Variants in ZBTB43 observed in about 807,000 individuals in gnomAD.
The protein encoded by ZBTB43 is zinc finger and BTB domain-containing protein 43.
In ZBTB43, 6 loss-of-function variants were observed where a neutral mutation model predicts 31.1. The ratio of observed to expected loss-of-function variants is 0.19; its 90% confidence interval spans 0.11 to 0.38. The LOEUF is 0.38. Ranked by LOEUF, ZBTB43 falls within the 10% of genes least tolerant of loss-of-function variation. The pLI is 1.00. For synonymous variants in ZBTB43, 212 were observed against 221.7 expected (o/e 0.96, Z 0.39); for missense variants, 379 against 602.1 (o/e 0.63, Z 3.88).
At position 126,831,175 on chromosome 9, in the gene ZBTB43, C is replaced by T. The variant is rs183756051; in HGVS notation, c.-23-1312C>T. On this transcript the variant is annotated intron_variant, in intron 2 of 2. Transcript: ENST00000373464. ...CCTCACTGCTCAAGCCCCCAGGCCC[C>T]TCACTCCCTGACTGTACTCTAGTCT... Among the ~76,000 whole-genome samples the T allele has an allele frequency of 3.5e-3, 527 of 152,278 alleles. 4 individuals carry two copies. Among genetic ancestry groups the T allele is most frequent in the African/African-American group, 0.012 (499 of 41,544 alleles).
rs1486102478 is a variant in ZBTB43, at chr9:126,837,235, T to C, written c.*3322T>C. ...TGCGGTAACTTACCCTGCAGGGCTG[T>C]AGGTTGCCTGCAGGCGCTCCAGGCC... is the stretch of plus-strand genomic sequence containing the variant. On this transcript the variant is annotated 3_prime_UTR_variant, in exon 3 of 3. Transcript: ENST00000373464. The C allele has an allele frequency of 1.2e-5, 2 of 167,138 alleles. No individual in the cohort carries two copies. Among genetic ancestry groups the C allele is most frequent in the Non-Finnish European group, 2.9e-5 (2 of 68,138 alleles). The allele number at this position is 167,138 out of a possible 1,614,324, so 10.4% of individuals were successfully genotyped here.
At chr9:126,809,366 G>C (rs904752643) in intron 2 of ZBTB43, among the ~76,000 whole-genome samples, 1 of 152,174 alleles carries the variant, frequency 6.6e-6, no homozygotes, top group Non-Finnish European at 1.5e-5. Flanking sequence ...TAGGCATAGG[G>C]TATTGGTGTT....
upstream of ZBTB43, among the ~76,000 whole-genome samples, chr9:126,804,170 G>C (rs1395942312): frequency 6.6e-6 from 1 of 152,168 alleles, no homozygotes; most frequent in Non-Finnish European, 1.5e-5. Context: ...ACTAACATGG[G>C]GGGGCAGTGG....
chr9:126,816,230 CT>C (rs1240180382), intron 2 of ZBTB43, among the ~76,000 whole-genome samples: 1 of 152,108 alleles, frequency 6.6e-6, no homozygotes, highest in Non-Finnish European at 1.5e-5. Flanking sequence ...GCTGTTTTCA[CT>C]TTCTTGTATT....
At chr9:126,818,811 G>T (rs951945480) in intron 2 of ZBTB43, among the ~76,000 whole-genome samples, 3 of 152,126 alleles carry the variant, frequency 2.0e-5, no homozygotes, top group African/African-American at 7.2e-5. Context: ...AGGGGTATTG[G>T]TCTATAGTTT....
intron 2 of ZBTB43, among the ~76,000 whole-genome samples, chr9:126,815,602 A>G (rs1304260020): frequency 6.9e-6 from 1 of 144,116 alleles, no homozygotes; most frequent in Non-Finnish European, 1.5e-5. Flanking sequence ...TCTCATCCCA[A>G]TGTATGTTTG....
At chr9:126,807,456 G>C (rs2032151794) in intron 1 of ZBTB43, among the ~76,000 whole-genome samples, 1 of 152,104 alleles carries the variant, frequency 6.6e-6, no homozygotes, top group Admixed American at 6.5e-5. Context: ...GTGTCATCAA[G>C]AACATTGATG....
intron 2 of ZBTB43, among the ~76,000 whole-genome samples, chr9:126,814,915 A>G (rs1312219815): frequency 8.2e-6 from 1 of 122,098 alleles, no homozygotes; most frequent in South Asian, 2.5e-4. Flanking sequence ...TCAGTATTTT[A>G]AAATGGTCTC....
intron 2 of ZBTB43, among the ~76,000 whole-genome samples, chr9:126,826,454 CTTTTT>C (rs35094731): frequency 3.7e-5 from 2 of 53,576 alleles, no homozygotes; most frequent in Non-Finnish European, 7.5e-5. Flanking sequence ...GCCCCCCCGC[CTTTTT>C]TTTTTTTTTT....
intron 2 of ZBTB43, among the ~76,000 whole-genome samples, chr9:126,829,426 C>T (rs538579120): frequency 3.3e-5 from 5 of 152,284 alleles, no homozygotes; most frequent in East Asian, 1.9e-4. Context: ...GCTTACATTA[C>T]GATACATCCA....
intron 2 of ZBTB43, among the ~76,000 whole-genome samples, chr9:126,816,821 G>A (rs1257145611): frequency 6.6e-6 from 1 of 152,184 alleles, no homozygotes; most frequent in Non-Finnish European, 1.5e-5. Flanking sequence ...TGGCCCAACT[G>A]GCAAATGATG....
In ZBTB43 at chr9:126,835,309, G is replaced by A. The variant is rs2032856306; in HGVS notation, c.*1396G>A. 1 of 166,986 alleles carries A rather than the reference G, an allele frequency of 6.0e-6. No homozygotes were observed. Among genetic ancestry groups the A allele is most frequent in the South Asian group, 2.1e-4 (1 of 4,828 alleles). The allele number at this position is 166,986 out of a possible 1,614,324, so 10.3% of individuals were successfully genotyped here. A position where few individuals can be genotyped will look rare whatever the true frequency, so the allele number is the denominator to read the frequency against. ...TAGATGATTTAGGTTAAAAAGAAAGGTAATATTGCACATGCTTTTAAGCTG... is the reference window on the plus strand; with the variant it reads ...TAGATGATTTAGGTTAAAAAGAAAGATAATATTGCACATGCTTTTAAGCTG... On this transcript the variant is annotated 3_prime_UTR_variant, in exon 3 of 3. Coordinates refer to ENST00000373464, the MANE Select transcript of ZBTB43 (RefSeq NM_014007.4).
At position 126,826,609 on chromosome 9, in the gene ZBTB43, G is replaced by A. The variant is rs576106679; in HGVS notation, c.-23-5878G>A. ...CTCCCGAGTAGCTGGGACTACAGGC[G>A]CCCGCCACCACGCCTGGCTAATTTT... On this transcript the variant is annotated intron_variant, in intron 2 of 2. Transcript: ENST00000373464. Among the ~76,000 whole-genome samples the A allele has an allele frequency of 7.9e-5, 12 of 151,514 alleles. No individual in the cohort carries two copies. In the East Asian group the frequency reaches 1.2e-3, roughly 15 times the overall value.
intron 2 of ZBTB43, among the ~76,000 whole-genome samples, chr9:126,820,239 A>G (rs1257987455): frequency 6.6e-6 from 1 of 152,248 alleles, no homozygotes; most frequent in Non-Finnish European, 1.5e-5. Context: ...GATGCTATCT[A>G]TGACTTCCAT....
At chr9:126,819,974 ACT>A (rs149836242) in intron 2 of ZBTB43, among the ~76,000 whole-genome samples, 2 of 152,184 alleles carry the variant, frequency 1.3e-5, no homozygotes, top group South Asian at 2.1e-4. Flanking sequence ...GAAGACCCTA[ACT>A]CTCTTCATTT....
Position 126,836,035 on chromosome 9 carries a change from A to G in ZBTB43, c.*2122A>G, listed in dbSNP as rs976678741. ...TGCCAAAAACTGATCACCCTCTCCCATGGTATTAGCAGAGCATTTTCTGCC... is the reference window on the plus strand; with the variant it reads ...TGCCAAAAACTGATCACCCTCTCCCGTGGTATTAGCAGAGCATTTTCTGCC... On this transcript the variant is annotated 3_prime_UTR_variant, in exon 3 of 3. Coordinates refer to ENST00000373464, the MANE Select transcript of ZBTB43 (RefSeq NM_014007.4). The G allele has an allele frequency of 4.2e-5, 7 of 167,092 alleles. No homozygotes were observed. The highest frequency in any genetic ancestry group is 1.4e-4 in the African/African-American group (6 of 41,452). 10.4% of individuals were successfully genotyped at this position (167,092 alleles called of 1,614,324 possible).
At chr9:126,816,966 C>A (rs1373242947) in intron 2 of ZBTB43, among the ~76,000 whole-genome samples, 1 of 152,088 alleles carries the variant, frequency 6.6e-6, no homozygotes. Flanking sequence ...GTCTGCAGGA[C>A]CTGTCTGTCC....
chr9:126,813,171 G>A (rs918950474), intron 2 of ZBTB43, among the ~76,000 whole-genome samples: 3 of 151,844 alleles, frequency 2.0e-5, no homozygotes, highest in African/African-American at 4.8e-5. Context: ...GTAGAGACAG[G>A]GTTTCACCAT....
chr9:126,831,381 A>G (rs1353960485), intron 2 of ZBTB43: 1 of 152,188 alleles, frequency 6.6e-6, no homozygotes, highest in East Asian at 1.9e-4. Flanking sequence ...GTATATACCC[A>G]TAGACCCAGC....
Sources: gnomAD v4.1 joint callset for allele counts (sites outside exome capture counted in the v4.1 genomes callset) on GRCh38, gnomAD v4.1.1 for gene constraint, MANE v1.5 for transcripts, NCBI Gene and HGNC (gene_info 2026-07-23, HGNC 2026-07-21) for gene names.